PRKD2: variants seen among roughly 807,000 people sequenced by gnomAD.
PRKD2 encodes the protein protein kinase D2.
PRKD2 carries 22 observed loss-of-function variants against 86.0 expected under a neutral mutation model. The ratio of observed to expected loss-of-function variants is 0.26; its 90% CI spans 0.18 to 0.37. PRKD2 has a LOEUF of 0.37. Among genes scored for constraint, PRKD2 ranks in the 10% least tolerant of loss-of-function variants. The probability of loss-of-function intolerance (pLI) is 1.00; values close to 1 mark genes in which losing one functional copy is unlikely to be tolerated. For synonymous variants in PRKD2, 509 were observed against 510.9 expected (o/e 1.00, Z 0.05); for missense variants, 818 against 1,199.2 (o/e 0.68, Z 4.70).
chr19:46,680,942 ATATATTTTTT>A (rs2053291862), intron 15 of PRKD2, among the ~76,000 whole-genome samples: 1 of 48,176 alleles, frequency 2.1e-5, no homozygotes, highest in African/African-American at 6.7e-5. Context: ...ATATATATAT[ATATATTTTTT>A]TTTTTTTTTT....
rs1365747606 is a variant in PRKD2, at chr19:46,689,432, A to G, written c.1971+105T>C. 1.4e-5 allele frequency: 19 copies of G among 1,319,684 alleles called. No homozygotes were observed. In the African/African-American group the frequency reaches 2.1e-4, roughly 14 times the overall value. 81.7% of individuals were successfully genotyped at this position (1,319,684 alleles called of 1,614,324 possible). A position where few individuals can be genotyped will look rare whatever the true frequency, so the allele number is the denominator to read the frequency against. On this transcript the variant is annotated intron_variant, in intron 14 of 17. Coordinates refer to ENST00000291281, the MANE Select transcript of PRKD2 (RefSeq NM_016457.5). ...CTGATGATGGTTTCTGTTATCTGCTATTGTGACTCCCCCAAGTGTCTGCTT... is the reference window on the plus strand; with the variant it reads ...CTGATGATGGTTTCTGTTATCTGCTGTTGTGACTCCCCCAAGTGTCTGCTT...
At chr19:46,708,468 C>T (rs1020177520) in intron 3 of PRKD2, among the ~76,000 whole-genome samples, 2 of 151,888 alleles carry the variant, frequency 1.3e-5, no homozygotes, top group Admixed American at 6.6e-5. Flanking sequence ...GAGGTATGCA[C>T]CACCATGCCT....
Position 46,711,019 on chromosome 19 carries a change from G to A in PRKD2, c.399C>T (p.Asp133=), listed in dbSNP as rs745920314. The A allele has an allele frequency of 4.9e-5, 77 of 1,581,712 alleles. No individual in the cohort carries two copies. Among genetic ancestry groups the A allele is most frequent in the Non-Finnish European group, 5.7e-5 (66 of 1,163,978 alleles). ...VVLSASATFE[D]FQIRPHALTV... is the part of the protein sequence containing the mutation. ...TGAGGGCGTGCGGGCGGATCTGGAAGTCCTCGAAGGTGGCCGAGGCTGTAG... is the reference window on the plus strand; with the variant it reads ...TGAGGGCGTGCGGGCGGATCTGGAAATCCTCGAAGGTGGCCGAGGCTGTAG... Residue 133 remains aspartate (D), a synonymous_variant, in exon 3 of 18, where the codon GAC becomes GAT. Coordinates refer to ENST00000291281, the MANE Select transcript of PRKD2 (RefSeq NM_016457.5).
chr19:46,682,691 A>G (rs989449053), intron 14 of PRKD2, among the ~76,000 whole-genome samples: 9 of 145,084 alleles, frequency 6.2e-5, no homozygotes, highest in African/African-American at 2.3e-4. Context: ...AGATCCAACT[A>G]TGTGATTCTA....
In PRKD2 at chr19:46,678,379, A is replaced by G; in HGVS notation, c.2338+17T>C. On this transcript the variant is annotated intron_variant, in intron 16 of 17. Transcript: ENST00000291281. This position sits in a 1 kb window ranked among gnomAD's most constrained non-coding sequence, Gnocchi z 5.7. ...CCCACAACCCACCCGCCCATGGGGT[A>G]GGCGGGCCCCAGGCACCTCCAGCTG... 1.2e-6 allele frequency: 2 copies of G among 1,613,062 alleles called. No homozygotes were observed. The highest frequency in any genetic ancestry group is 1.7e-6 in the Non-Finnish European group (2 of 1,179,716).
intron 9 of PRKD2, 48 bp from the exon 10 acceptor site, chr19:46,694,181 G>C (rs1157547448): frequency 6.3e-7 from 1 of 1,595,962 alleles, no homozygotes; most frequent in Non-Finnish European, 8.6e-7. Context: ...GCAGACCTTG[G>C]AATTCTAGTG....
At chr19:46,714,484 GGGGGC>G in intron 1 of PRKD2, 1 of 153,452 alleles carries the variant, frequency 6.5e-6, no homozygotes, top group Non-Finnish European at 1.4e-5. Flanking sequence ...AAGTGGGGGG[GGGGGC>G]CGGGGGACTT....
At chr19:46,690,049 C>G (rs938551209) in intron 13 of PRKD2, among the ~76,000 whole-genome samples, 1 of 152,130 alleles carries the variant, frequency 6.6e-6, no homozygotes, top group Admixed American at 6.5e-5. Flanking sequence ...CCAGAAGGAT[C>G]TTTACATCCT....
chr19:46,689,517 A>C lies in PRKD2; in HGVS notation c.1971+20T>G, dbSNP rs1228880000. 6.3e-7 allele frequency: 1 copy of C among 1,578,726 alleles called. No individual in the cohort carries two copies. The highest frequency in any genetic ancestry group is 2.3e-5 in the East Asian group (1 of 43,824). Reference sequence around the variant, plus strand: ...CACCTGATGGGGAGGGGCGGGTGGCAGCGGGCAGGGCAGACGCACCTGGGT... The same window carrying C: ...CACCTGATGGGGAGGGGCGGGTGGCCGCGGGCAGGGCAGACGCACCTGGGT... On this transcript the variant is annotated intron_variant, in intron 14 of 17. Transcript: ENST00000291281.
intron 1 of PRKD2, among the ~76,000 whole-genome samples, 175 bp downstream of exon 1, chr19:46,715,956 T>G (rs2053875730): frequency 6.6e-6 from 1 of 152,172 alleles, no homozygotes; most frequent in Non-Finnish European, 1.5e-5. Flanking sequence ...CAGTCCTCTC[T>G]CAAAGGGATG....
rs939007817 is a variant in PRKD2, at chr19:46,707,460, C to T, written c.512-2811G>A. ...CAAAAATTAGCCAGGAGTGGTGGTG[C>T]GCACCTGTAATCCCAGCTATTTGGG... is the stretch of plus-strand genomic sequence containing the variant. On this transcript the variant is annotated intron_variant, in intron 3 of 17. Transcript: ENST00000291281. Among the ~76,000 whole-genome samples the T allele has an allele frequency of 3.3e-5, 5 of 151,936 alleles. No individual in the cohort carries two copies. In the South Asian group the frequency reaches 6.2e-4, roughly 19 times the overall value.
At chr19:46,710,638 C>G in intron 3 of PRKD2, 1 of 452,090 alleles carries the variant, frequency 2.2e-6, no homozygotes. Context: ...TTCTGCTCCC[C>G]TAGGCTCTGT....
Position 46,695,469 on chromosome 19 carries a change from C to T in PRKD2, c.1318-1336G>A, listed in dbSNP as rs538871442. Among the ~76,000 whole-genome samples the T allele has an allele frequency of 4.6e-5, 7 of 152,140 alleles. No homozygotes were observed. In the East Asian group the frequency reaches 5.8e-4, roughly 13 times the overall value. On this transcript the variant is annotated intron_variant, in intron 9 of 17. Coordinates refer to ENST00000291281, the MANE Select transcript of PRKD2 (RefSeq NM_016457.5). The stretch of plus-strand genomic sequence containing the variant: ...CTGCACTCCAGCCTGGGTGACAGAG[C>T]GAGACTCCGTCTCAAAAATAAACGT...
rs982623849 is a variant in PRKD2 at position 46,682,997 on chromosome 19, T to C, written c.1972-1249A>G. The stretch of plus-strand genomic sequence containing the variant: ...GATAACAGGCGTGAGCCACCCCACC[T>C]CACCCATTTTTTTTTTGAAGAGATG... On this transcript the variant is annotated intron_variant, in intron 14 of 17. Coordinates refer to ENST00000291281, the MANE Select transcript of PRKD2 (RefSeq NM_016457.5). Among the ~76,000 whole-genome samples the C allele has an allele frequency of 1.1e-4, 17 of 147,916 alleles. 1 individual carries two copies. Among genetic ancestry groups the C allele is most frequent in the Admixed American group, 1.0e-3 (15 of 14,772 alleles).
intron 14 of PRKD2, among the ~76,000 whole-genome samples, chr19:46,685,274 A>AG (rs993755604): frequency 2.0e-5 from 3 of 151,714 alleles, no homozygotes; most frequent in East Asian, 3.9e-4. Flanking sequence ...AAAAAAAAAA[A>AG]AAAGAAAAGA....
chr19:46,686,687 C>T lies in PRKD2; in HGVS notation c.1971+2850G>A, dbSNP rs185550750. ...ATAAAATAGGCCAGGCGCGGTGGCT[C>T]ACACCTGTAATCCCAGCACTTTGGG... On this transcript the variant is annotated intron_variant, in intron 14 of 17. Coordinates refer to ENST00000291281, the MANE Select transcript of PRKD2 (RefSeq NM_016457.5). 1.8e-3 allele frequency among the ~76,000 whole-genome samples: 270 copies of T among 150,680 alleles called. 1 individual carries two copies. Among genetic ancestry groups the T allele is most frequent in the African/African-American group, 5.9e-3 (242 of 40,944 alleles).
At chr19:46,701,496 G>A (rs959236363) in intron 5 of PRKD2, among the ~76,000 whole-genome samples, 33 of 151,474 alleles carry the variant, frequency 2.2e-4, no homozygotes, top group Admixed American at 1.3e-4. Flanking sequence ...GACTACAGGC[G>A]CCCACTACCA....
intron 5 of PRKD2, among the ~76,000 whole-genome samples, chr19:46,701,634 G>A (rs1056634978): frequency 1.3e-5 from 2 of 150,822 alleles, no homozygotes; most frequent in African/African-American, 2.4e-5. Flanking sequence ...GATTACAGGC[G>A]TGAGCCACCG....
chr19:46,682,384 G>C (rs1273224150), intron 14 of PRKD2, among the ~76,000 whole-genome samples: 3 of 150,880 alleles, frequency 2.0e-5, no homozygotes, highest in East Asian at 2.0e-4. Flanking sequence ...CAAACTCCTG[G>C]ACTCAAGTGA....
Sources: gnomAD v4.1 joint callset for allele counts (sites outside exome capture counted in the v4.1 genomes callset) on GRCh38, gnomAD v4.1.1 for gene constraint, Gnocchi (gnomAD v3.1) non-coding constraint, MANE v1.5 for transcripts, NCBI Gene and HGNC (gene_info 2026-07-23, HGNC 2026-07-21) for gene names.